FAM200B: variants seen among roughly 807,000 people sequenced by gnomAD.
The protein encoded by FAM200B is protein FAM200B.
A neutral mutation model predicts 33.1 loss-of-function variants in FAM200B; 32 were observed. That is an observed-to-expected ratio of 0.97 (90% CI 0.73 to 1.30). The LOEUF (loss-of-function observed/expected upper bound fraction) is 1.30. FAM200B is among the 50% of genes most tolerant of loss of function. The pLI is 0.00. For missense variants in FAM200B, 741 were observed against 754.0 expected, an observed-to-expected ratio of 0.98 and a Z score of 0.20; for synonymous variants, 240 against 264.8, an observed-to-expected ratio of 0.91 and a Z score of 0.91.
At chr4:15,642,482 C>T in the FAM200B span, among the ~76,000 whole-genome samples, 2,447 of 152,048 alleles carry the variant, frequency 0.016, 67 homozygotes, top group African/African-American at 0.056. Context: ...GTGATCTGCC[C>T]GCCTCAGCCT....
chr4:15,673,164 A>G, the FAM200B span, among the ~76,000 whole-genome samples: 1 of 152,164 alleles, frequency 6.6e-6, no homozygotes, highest in Non-Finnish European at 1.5e-5. Flanking sequence ...ACAATAGGGC[A>G]GGTGCAATGG....
chr4:15,681,837 C>G lies in FAM200B; in HGVS notation c.-807C>G, dbSNP rs542395947. ...AAGTGTGGGGAGAGCAGAGGCGCAG[C>G]TCTGCTGGAGAGACCTGAGGCTTGC... On this transcript the variant is annotated 5_prime_UTR_variant, in exon 1 of 2. Transcript: ENST00000422728. The G allele has an allele frequency of 1.3e-5, 2 of 152,790 alleles. No homozygotes were observed. Among genetic ancestry groups the G allele is most frequent in the African/African-American group, 2.4e-5 (1 of 41,474 alleles). 9.5% of individuals were successfully genotyped at this position (152,790 alleles called of 1,614,324 possible).
At chr4:15,646,797 T>C in the FAM200B span, among the ~76,000 whole-genome samples, 2 of 151,214 alleles carry the variant, frequency 1.3e-5, no homozygotes, top group Non-Finnish European at 2.9e-5. Context: ...CATGCGGTGT[T>C]TGGTTTTTTT....
chr4:15,656,292 T>C, the FAM200B span: 1 of 455,954 alleles, frequency 2.2e-6, no homozygotes, highest in Non-Finnish European at 4.4e-6. Flanking sequence ...TCCTGGAGAC[T>C]CTGTTCTCTG....
chr4:15,637,185 G>A, the FAM200B span, among the ~76,000 whole-genome samples: 2 of 152,138 alleles, frequency 1.3e-5, no homozygotes, highest in African/African-American at 4.8e-5. Flanking sequence ...AGAGGTCTGC[G>A]AAATCTGACT....
At chr4:15,677,814 G>A (rs1203999365), upstream of FAM200B, among the ~76,000 whole-genome samples, 1 of 152,184 alleles carries the variant, frequency 6.6e-6, no homozygotes, top group Non-Finnish European at 1.5e-5. Context: ...CAAACTTGGG[G>A]AGTAGGTCAT....
chr4:15,646,324 C>CA, the FAM200B span, among the ~76,000 whole-genome samples: 1 of 151,784 alleles, frequency 6.6e-6, no homozygotes, highest in East Asian at 1.9e-4. Flanking sequence ...TTAAGCCACA[C>CA]AAAAAACACA....
At chr4:15,670,631 G>A in the FAM200B span, among the ~76,000 whole-genome samples, 1 of 151,556 alleles carries the variant, frequency 6.6e-6, no homozygotes, top group Non-Finnish European at 1.5e-5. Flanking sequence ...CCCTGCCCCT[G>A]GGCCCCTCCC....
the FAM200B span, among the ~76,000 whole-genome samples, chr4:15,645,021 A>G: frequency 6.6e-6 from 1 of 152,180 alleles, no homozygotes; most frequent in Non-Finnish European, 1.5e-5. Flanking sequence ...TCATTACTCT[A>G]TATGTATGCT....
chr4:15,684,421 GCATGTTTTGTTTAA>G (rs1718632847), intron 1 of FAM200B, among the ~76,000 whole-genome samples: 1 of 152,186 alleles, frequency 6.6e-6, no homozygotes. Context: ...AGACTTTGTA[GCATGTTTTGTTTAA>G]CATGTTTTGT....
the FAM200B span, chr4:15,656,214 A>G: frequency 2.2e-6 from 1 of 456,250 alleles, no homozygotes; most frequent in South Asian, 1.5e-5. Flanking sequence ...TCGGAGAGAA[A>G]ACAAGGTCAC....
the FAM200B span, among the ~76,000 whole-genome samples, chr4:15,648,532 A>G: frequency 9.3e-4 from 142 of 152,344 alleles, 2 homozygotes; most frequent in East Asian, 0.024. Context: ...ACAATAAAAT[A>G]TTATTCAGTC....
the FAM200B span, among the ~76,000 whole-genome samples, chr4:15,672,340 G>C: frequency 6.6e-6 from 1 of 152,182 alleles, no homozygotes; most frequent in Non-Finnish European, 1.5e-5. Context: ...GTTGCTTAAT[G>C]ACAGAGATAT....
At position 15,688,214 on chromosome 4, in the gene FAM200B, AAATC is replaced by A; in HGVS notation, c.1238_1241del (p.Lys413IlefsTer13). 1 of 1,551,000 alleles carries A rather than the reference AAATC, an allele frequency of 6.4e-7. No individual in the cohort carries two copies. Among genetic ancestry groups the A allele is most frequent in the South Asian group, 1.2e-5 (1 of 83,954 alleles). On this transcript the variant is annotated frameshift_variant, in exon 2 of 2. Coordinates refer to ENST00000422728, the MANE Select transcript of FAM200B (RefSeq NM_001145191.2). LOFTEE classifies it high-confidence loss of function. ...GATTCACTTTTTTCTCATTGAAAAA[AAATC>A]TCATTTGGCAAGTATTTTTGAAGAT...
the FAM200B span, among the ~76,000 whole-genome samples, chr4:15,669,412 G>A: frequency 6.6e-6 from 1 of 152,096 alleles, no homozygotes; most frequent in African/African-American, 2.4e-5. Context: ...TTAACAGAAT[G>A]TCATTATATA....
the FAM200B span, among the ~76,000 whole-genome samples, chr4:15,663,238 T>C: frequency 6.6e-6 from 1 of 152,344 alleles, no homozygotes; most frequent in African/African-American, 2.4e-5. Context: ...TAGTCATTCA[T>C]TATTGAAAAA....
chr4:15,643,423 T>C, the FAM200B span, among the ~76,000 whole-genome samples: 1 of 152,260 alleles, frequency 6.6e-6, no homozygotes. Context: ...CTATAATATG[T>C]AAATGTAATT....
the FAM200B span, among the ~76,000 whole-genome samples, chr4:15,660,082 A>AT: frequency 1.7e-3 from 245 of 140,394 alleles, no homozygotes; most frequent in Middle Eastern, 7.1e-3. Context: ...TACCCCTGAC[A>AT]TTTTTTTTTT....
the FAM200B span, among the ~76,000 whole-genome samples, chr4:15,642,900 T>G: frequency 6.6e-6 from 1 of 152,214 alleles, no homozygotes; most frequent in Non-Finnish European, 1.5e-5. Context: ...GGCTGAATCC[T>G]CATTTTTATT....
Sources: gnomAD v4.1 joint callset for allele counts (sites outside exome capture counted in the v4.1 genomes callset) on GRCh38, gnomAD v4.1.1 for gene constraint, MANE v1.5 for transcripts, NCBI Gene and HGNC (gene_info 2026-07-23, HGNC 2026-07-21) for gene names.